ARHGEF3: variants seen among roughly 807,000 people sequenced by gnomAD.
ARHGEF3 encodes the protein 59.8 kDA protein.
A neutral mutation model predicts 63.2 loss-of-function variants in ARHGEF3; 28 were observed. The ratio of observed to expected loss-of-function variants is 0.44; its 90% CI spans 0.33 to 0.61. ARHGEF3 has a LOEUF of 0.61. Among genes scored for constraint, ARHGEF3 ranks in the 20% least tolerant of loss-of-function variants. The probability of loss-of-function intolerance (pLI) is 0.03; values close to 1 mark genes in which losing one functional copy is unlikely to be tolerated. For synonymous variants in ARHGEF3, 266 were observed against 254.2 expected (o/e 1.05, Z -0.44); for missense variants, 533 against 659.3 (o/e 0.81, Z 2.10).
intron 4 of ARHGEF3, among the ~76,000 whole-genome samples, chr3:56,867,273 A>G (rs1047409382): frequency 6.6e-6 from 1 of 152,234 alleles, no homozygotes; most frequent in African/African-American, 2.4e-5. Flanking sequence ...TCGGACACAC[A>G]ATGCCAGACA....
intron 2 of ARHGEF3, among the ~76,000 whole-genome samples, chr3:56,994,189 G>A (rs1701886405): frequency 1.3e-5 from 2 of 150,972 alleles, no homozygotes; most frequent in Non-Finnish European, 1.5e-5. Context: ...TGTTAAGTAA[G>A]TAAATGATAC....
chr3:56,942,744 G>C (rs13094879), intron 3 of ARHGEF3, among the ~76,000 whole-genome samples: 304 of 152,304 alleles, frequency 2.0e-3, no homozygotes, highest in African/African-American at 7.0e-3. Flanking sequence ...AAGTGCAAAG[G>C]AAAAGTTCTT....
At chr3:56,895,582 G>A (rs1267176898) in intron 3 of ARHGEF3, among the ~76,000 whole-genome samples, 1 of 151,978 alleles carries the variant, frequency 6.6e-6, no homozygotes, top group Admixed American at 6.6e-5. Flanking sequence ...TCCTGGCTCA[G>A]CCTCCCGAGC....
At position 56,987,247 on chromosome 3, in the gene ARHGEF3, C is replaced by T. The variant is rs181503703; in HGVS notation, c.63-28358G>A. On this transcript the variant is annotated intron_variant, in intron 2 of 12. Transcript: ENST00000338458. ...CAAACAAGTAACTCTGGGTTGCCAA[C>T]GCCTCATTATAGTCCATACTTTCTG... Among the ~76,000 whole-genome samples the T allele has an allele frequency of 2.9e-4, 44 of 152,234 alleles. No homozygotes were observed. The South Asian group carries it at 6.9e-3, about 24-fold the overall frequency.
intron 1 of ARHGEF3, among the ~76,000 whole-genome samples, chr3:56,784,566 A>G (rs2036710954): frequency 6.6e-6 from 1 of 152,180 alleles, no homozygotes; most frequent in Non-Finnish European, 1.5e-5. Flanking sequence ...TGGGTGGAAT[A>G]TATGTTCTGC....
At chr3:56,988,871 A>G (rs1337149664) in intron 2 of ARHGEF3, among the ~76,000 whole-genome samples, 1 of 152,148 alleles carries the variant, frequency 6.6e-6, no homozygotes, top group African/African-American at 2.4e-5. Flanking sequence ...CATCTCCCTC[A>G]TGACTTTTCT....
At chr3:56,810,872 C>T (rs1456014205) in intron 4 of ARHGEF3, among the ~76,000 whole-genome samples, 3 of 152,140 alleles carry the variant, frequency 2.0e-5, no homozygotes, top group Non-Finnish European at 2.9e-5. Context: ...AAGCACTGTT[C>T]GAGTAACATA....
intron 2 of ARHGEF3, among the ~76,000 whole-genome samples, chr3:56,765,040 A>G (rs2035628571): frequency 6.6e-6 from 1 of 152,122 alleles, no homozygotes; most frequent in Non-Finnish European, 1.5e-5. Flanking sequence ...TACAGGCATG[A>G]GCCACCGCAC....
chr3:56,848,321 C>A (rs1559989422), intron 4 of ARHGEF3, among the ~76,000 whole-genome samples: 2 of 152,038 alleles, frequency 1.3e-5, no homozygotes, highest in Non-Finnish European at 2.9e-5. Flanking sequence ...CTATAATAAA[C>A]AAAAATAAAA....
intron 2 of ARHGEF3, among the ~76,000 whole-genome samples, chr3:56,995,561 C>T (rs1245334464): frequency 1.4e-5 from 2 of 147,160 alleles, no homozygotes; most frequent in Non-Finnish European, 3.0e-5. Flanking sequence ...CCCAAAGTGA[C>T]TGGACTCAAA....
At chr3:56,839,453 T>C (rs1253398849) in intron 4 of ARHGEF3, among the ~76,000 whole-genome samples, 2 of 152,200 alleles carry the variant, frequency 1.3e-5, no homozygotes, top group African/African-American at 2.4e-5. Context: ...GTCATTTCCT[T>C]AGCAGTACTA....
intron 1 of ARHGEF3, among the ~76,000 whole-genome samples, chr3:57,065,619 T>G (rs1705485187): frequency 6.6e-6 from 1 of 152,184 alleles, no homozygotes; most frequent in Non-Finnish European, 1.5e-5. Flanking sequence ...TAATTATACC[T>G]CAATAAAAAT....
At chr3:56,750,670 GTT>G (rs79472923) in intron 6 of ARHGEF3, among the ~76,000 whole-genome samples, 30 of 109,874 alleles carry the variant, frequency 2.7e-4, no homozygotes, top group African/African-American at 8.3e-4. Context: ...AGCATGACAA[GTT>G]TTTTTTTTTT....
intron 1 of ARHGEF3, chr3:57,073,637 C>T (rs1182993204): frequency 6.4e-7 from 1 of 1,550,860 alleles, no homozygotes; most frequent in Non-Finnish European, 8.7e-7. Context: ...CAGGGATTGG[C>T]TCCGGCCAAG....
intron 3 of ARHGEF3, among the ~76,000 whole-genome samples, chr3:56,921,685 G>A (rs1290854396): frequency 6.6e-6 from 1 of 152,166 alleles, no homozygotes; most frequent in Non-Finnish European, 1.5e-5. Context: ...AAGGCCTATT[G>A]GACTCAAGGT....
At chr3:56,944,405 G>A (rs1183869483) in intron 3 of ARHGEF3, among the ~76,000 whole-genome samples, 1 of 152,044 alleles carries the variant, frequency 6.6e-6, no homozygotes, top group Non-Finnish European at 1.5e-5. Context: ...ACATTGAGGG[G>A]TTTAAGACTT....
intron 4 of ARHGEF3, among the ~76,000 whole-genome samples, chr3:56,818,084 G>A (rs2038336658): frequency 6.6e-6 from 1 of 152,256 alleles, no homozygotes; most frequent in South Asian, 2.1e-4. Flanking sequence ...TTATACCCGA[G>A]AGGTTAGGGA....
chr3:57,070,033 G>T (rs753974604), intron 1 of ARHGEF3, among the ~76,000 whole-genome samples: 3 of 152,130 alleles, frequency 2.0e-5, no homozygotes, highest in Non-Finnish European at 4.4e-5. Context: ...GGGGTGAGGG[G>T]CTAAGATTGT....
chr3:56,885,807 T>C lies in ARHGEF3; in HGVS notation c.130-3453A>G, dbSNP rs117446788. ...CCCACATGTTTTATAAAATAAAAAC[T>C]GCATGAATTATGAAAATGAATTTTC... On this transcript the variant is annotated intron_variant, in intron 3 of 12. Transcript: ENST00000338458. Among the ~76,000 whole-genome samples, 120 of 152,350 alleles carry C rather than the reference T, an allele frequency of 7.9e-4. No homozygotes were observed. In the East Asian group the frequency reaches 0.011, roughly 14 times the overall value.
Sources: gnomAD v4.1 joint callset for allele counts (sites outside exome capture counted in the v4.1 genomes callset) on GRCh38, gnomAD v4.1.1 for gene constraint, MANE v1.5 for transcripts, NCBI Gene and HGNC (gene_info 2026-07-23, HGNC 2026-07-21) for gene names.